The following NCAPG2 variants were observed in gnomAD, a reference collection of about 807,000 sequenced individuals.
NCAPG2 encodes non-SMC condensin II complex subunit G2.
A neutral mutation model predicts 141.1 loss-of-function variants in NCAPG2; 53 were observed. The observed-to-expected ratio is 0.38, with a 90% CI of 0.30 to 0.47. NCAPG2 has a LOEUF of 0.47. NCAPG2 is among the 20% of genes least tolerant of loss of function. The probability of loss-of-function intolerance (pLI) is 0.99; values close to 1 mark genes in which losing one functional copy is unlikely to be tolerated. For synonymous variants in NCAPG2, 499 were observed against 490.7 expected (o/e 1.02, Z -0.22); for missense variants, 1,087 against 1,389.0 (o/e 0.78, Z 3.46).
At chr7:158,680,633 T>G in intron 10 of NCAPG2, 88 bp downstream of exon 10, 1 of 824,760 alleles carries the variant, frequency 1.2e-6, no homozygotes, top group East Asian at 2.9e-5. Context: ...ATCTTTACTA[T>G]TTTATTGTAA....
chr7:158,690,921 T>C (rs922633207), intron 4 of NCAPG2, among the ~76,000 whole-genome samples, 199 bp from the exon 5 acceptor site: 1 of 152,218 alleles, frequency 6.6e-6, no homozygotes, highest in East Asian at 1.9e-4. Flanking sequence ...TGTTTGACGA[T>C]TGTTATAAAA....
intron 12 of NCAPG2, among the ~76,000 whole-genome samples, chr7:158,672,243 G>T (rs1169203426): frequency 1.4e-4 from 19 of 135,426 alleles, no homozygotes; most frequent in Non-Finnish European, 2.9e-4. Flanking sequence ...ATTTTCACAG[G>T]TTTTTATTAA....
chr7:158,692,183 C>T (rs1835156663), intron 4 of NCAPG2, among the ~76,000 whole-genome samples: 1 of 152,070 alleles, frequency 6.6e-6, no homozygotes, highest in South Asian at 2.1e-4. Flanking sequence ...AAGCATGGGC[C>T]ATGGTCCCAG....
intron 23 of NCAPG2, 29 bp downstream of exon 23, chr7:158,652,264 C>T (rs779830304): frequency 5.0e-6 from 8 of 1,600,464 alleles, no homozygotes; most frequent in Admixed American, 1.8e-5. Context: ...GCCCATCTAG[C>T]GAACCCCGTC....
rs143070261 is a variant in NCAPG2, at chr7:158,680,135, G to A, written c.1021-50C>T. 24 of 1,575,316 alleles carry A rather than the reference G, an allele frequency of 1.5e-5. No individual in the cohort carries two copies. The African/African-American group carries it at 1.6e-4, about 11-fold the overall frequency. ...TCAGAATCCCAAAGAGTTAACATAC[G>A]AAGGCTTAAGTACAGTGTTCCCAAA... On this transcript the variant is annotated intron_variant, in intron 10 of 27. Coordinates refer to ENST00000356309, the MANE Select transcript of NCAPG2 (RefSeq NM_017760.7).
intron 26 of NCAPG2, among the ~76,000 whole-genome samples, chr7:158,644,876 C>T (rs1830895520): frequency 6.6e-6 from 1 of 152,160 alleles, no homozygotes; most frequent in Non-Finnish European, 1.5e-5. Flanking sequence ...TCCATTTAGG[C>T]TTACAGGGAG....
At chr7:158,688,194 A>C (rs1834896223) in intron 6 of NCAPG2, among the ~76,000 whole-genome samples, 1 of 152,018 alleles carries the variant, frequency 6.6e-6, no homozygotes, top group Non-Finnish European at 1.5e-5. Context: ...AAAAACAGTA[A>C]TATTCACTGG....
intron 22 of NCAPG2, among the ~76,000 whole-genome samples, chr7:158,653,520 GC>G (rs1466400649): frequency 3.9e-5 from 6 of 152,002 alleles, no homozygotes; most frequent in Non-Finnish European, 7.4e-5. Flanking sequence ...CTAAGACACT[GC>G]CCAGTATCCT....
chr7:158,679,479 G>C (rs974712415), intron 11 of NCAPG2, among the ~76,000 whole-genome samples: 3 of 152,204 alleles, frequency 2.0e-5, no homozygotes, highest in African/African-American at 7.2e-5. Context: ...AATATAACCA[G>C]TGTTTGCTCA....
chr7:158,697,310 A>G (rs1835509127), intron 2 of NCAPG2, among the ~76,000 whole-genome samples: 1 of 152,238 alleles, frequency 6.6e-6, no homozygotes, highest in Non-Finnish European at 1.5e-5. Flanking sequence ...TTTAAAAAGT[A>G]AAAATAGATG....
chr7:158,690,085 TAA>T (rs1421981586), intron 5 of NCAPG2, 132 bp from the exon 6 acceptor site: 7 of 979,568 alleles, frequency 7.1e-6, no homozygotes, highest in Non-Finnish European at 9.7e-6. Flanking sequence ...TAACGACAAA[TAA>T]AAACAGATTT....
intron 16 of NCAPG2, among the ~76,000 whole-genome samples, chr7:158,659,850 G>A (rs936901424): frequency 2.6e-5 from 4 of 152,134 alleles, no homozygotes; most frequent in African/African-American, 4.8e-5. Context: ...GGTGGCTCAC[G>A]CCTGTAATCC....
In NCAPG2 at chr7:158,656,687, C is replaced by G; in HGVS notation, c.2079G>C (p.Thr693=). 1 of 1,613,970 alleles carries G rather than the reference C, an allele frequency of 6.2e-7. No individual in the cohort carries two copies. The highest frequency in any genetic ancestry group is 1.3e-5 in the African/African-American group (1 of 75,022). Residue 693 remains threonine, a synonymous_variant, in exon 18 of 28, where the codon ACG becomes ACC. Transcript: ENST00000356309. ...VPPFSCGVIS[T]LRSREEGAVD... is the part of the protein sequence containing the mutation. ...CAGCGCCCTCCTCCCGGCTTCTCAG[C>G]GTGGAAATCACACCACAGCTGAAAA...
intron 6 of NCAPG2, among the ~76,000 whole-genome samples, chr7:158,689,046 A>G (rs1418370859): frequency 6.6e-6 from 1 of 152,188 alleles, no homozygotes; most frequent in Non-Finnish European, 1.5e-5. Flanking sequence ...CTGCCTGAGC[A>G]TGTAGTCGAC....
chr7:158,648,524 A>G (rs1831206157), intron 24 of NCAPG2, among the ~76,000 whole-genome samples: 1 of 148,946 alleles, frequency 6.7e-6, no homozygotes, highest in African/African-American at 2.5e-5. Context: ...GACTATAACC[A>G]CGCCAAATGG....
In NCAPG2 at chr7:158,686,052, A is replaced by G. The variant is rs111796384; in HGVS notation, c.837+120T>C. On this transcript the variant is annotated intron_variant, in intron 8 of 27. Coordinates refer to ENST00000356309, the MANE Select transcript of NCAPG2 (RefSeq NM_017760.7). Reference sequence around the variant, plus strand: ...ATTGCCCATCAAATAGATTTTCATTATTTGGCTTTATTTTGACAGAGTGCA... The same window carrying G: ...ATTGCCCATCAAATAGATTTTCATTGTTTGGCTTTATTTTGACAGAGTGCA... 3 of 575,952 alleles carry G rather than the reference A, an allele frequency of 5.2e-6. No individual in the cohort carries two copies. The African/African-American group carries it at 5.9e-5, about 11-fold the overall frequency. 35.7% of individuals were successfully genotyped at this position (575,952 alleles called of 1,614,324 possible). A position where few individuals can be genotyped will look rare whatever the true frequency, so the allele number is the denominator to read the frequency against.
At chr7:158,697,872 A>T (rs1481007724) in intron 2 of NCAPG2, among the ~76,000 whole-genome samples, 1 of 152,238 alleles carries the variant, frequency 6.6e-6, no homozygotes, top group Admixed American at 6.5e-5. Context: ...GTTCTCACTT[A>T]TAAGTAGGAG....
At chr7:158,690,231 AG>A (rs1263279034) in intron 5 of NCAPG2, among the ~76,000 whole-genome samples, 1 of 152,228 alleles carries the variant, frequency 6.6e-6, no homozygotes, top group African/African-American at 2.4e-5. Context: ...CTAGTGCAGT[AG>A]ACATTAGCCA....
rs148071566 is a variant in NCAPG2, at chr7:158,637,033, C to T, written c.3381-5316G>A. 4.7e-3 allele frequency among the ~76,000 whole-genome samples: 720 copies of T among 151,728 alleles called. 9 individuals are homozygous for T. The highest frequency in any genetic ancestry group is 0.011 in the African/African-American group (473 of 41,304). On this transcript the variant is annotated intron_variant, in intron 27 of 27. Coordinates refer to ENST00000356309, the MANE Select transcript of NCAPG2 (RefSeq NM_017760.7). Reference sequence around the variant, plus strand: ...TGTGATCTTGGCTCACTGCAAGTTCCGCCTCCCGGGTTCATGCCATTCTCC... The same window carrying T: ...TGTGATCTTGGCTCACTGCAAGTTCTGCCTCCCGGGTTCATGCCATTCTCC...
Sources: allele counts gnomAD v4.1 joint callset (sites outside exome capture counted in the v4.1 genomes callset), GRCh38; gene constraint gnomAD v4.1.1; transcripts MANE v1.5; gene names NCBI Gene and HGNC (gene_info 2026-07-23, HGNC 2026-07-21).